The following EIF4G1 variants were observed in gnomAD, a reference collection of about 807,000 sequenced individuals.
EIF4G1 encodes the protein EIF4-gamma.
EIF4G1 carries 4 observed loss-of-function variants against 187.8 expected under a neutral mutation model. The ratio of observed to expected loss-of-function variants is 0.02; its 90% CI spans 0.01 to 0.05. The LOEUF (loss-of-function observed/expected upper bound fraction) is 0.05. EIF4G1 is among the 10% of genes least tolerant of loss of function. The pLI is 1.00. For synonymous variants in EIF4G1, 844 were observed against 781.4 expected, an observed-to-expected ratio of 1.08 and a Z score of -1.34; for missense variants, 1,647 against 2,081.1, an observed-to-expected ratio of 0.79 and a Z score of 4.06.
In EIF4G1 at chr3:184,325,649, A is replaced by T; in HGVS notation, c.3121+10A>T. ...CCAGGCCCTCCCATCAGTGAGTTCC[A>T]AGCTGGGATTGAGAAGGGAGCAGTG... is the stretch of plus-strand genomic sequence containing the variant. On this transcript the variant is annotated intron_variant, in intron 20 of 32. Coordinates refer to ENST00000346169, the MANE Select transcript of EIF4G1 (RefSeq NM_198241.3). The surrounding 1 kb of genome is among the most constrained non-coding windows in gnomAD (Gnocchi z 5.2). 6.2e-7 allele frequency: 1 copy of T among 1,614,112 alleles called. No homozygotes were observed. The highest frequency in any genetic ancestry group is 8.5e-7 in the Non-Finnish European group (1 of 1,180,020).
chr3:184,321,221 G>A (rs1723849541), intron 9 of EIF4G1, 61 bp from the exon 10 acceptor site: 9 of 1,603,904 alleles, frequency 5.6e-6, no homozygotes, highest in Non-Finnish European at 6.0e-6. Flanking sequence ...GGAGGATGGG[G>A]AGGAACAACA....
At position 184,323,173 on chromosome 3, in the gene EIF4G1, G is replaced by C; in HGVS notation, c.2020G>C (p.Gly674Arg). The C allele has an allele frequency of 6.2e-7, 1 of 1,614,212 alleles. No homozygotes were observed. The highest frequency in any genetic ancestry group is 1.1e-5 in the South Asian group (1 of 91,086). ...PDFTPSFANLGRTTLSTRGPP... is the reference protein window; with the variant it reads ...PDFTPSFANLRRTTLSTRGPP... ...CTTCACTCCATCCTTTGCCAACCTT[G>C]GCCGGACAACCCTTAGCACCCGTGG... The change falls in exon 14 of 33, where the codon GGC becomes CGC. Residue 674 changes from glycine (G) to arginine (R), a missense_variant. Gly to Arg is a moderately radical substitution (Grantham distance 125, BLOSUM62 -2). Coordinates refer to ENST00000346169, the MANE Select transcript of EIF4G1 (RefSeq NM_198241.3). This position sits in a 1 kb window ranked among gnomAD's most constrained non-coding sequence, Gnocchi z 6.9.
At position 184,317,232 on chromosome 3, in the gene EIF4G1, T is replaced by A; in HGVS notation, c.148-89T>A. 61 of 1,472,778 alleles carry A rather than the reference T, an allele frequency of 4.1e-5. 1 individual carries two copies. In the South Asian group the frequency reaches 6.9e-4, roughly 17 times the overall value. 91.2% of individuals were successfully genotyped at this position (1,472,778 alleles called of 1,614,324 possible). ...CATGTTCTGAAGCCCACAGTACTTCTTTCCAGGCTATAGAGACATTGTGGA... is the reference window on the plus strand; with the variant it reads ...CATGTTCTGAAGCCCACAGTACTTCATTCCAGGCTATAGAGACATTGTGGA... On this transcript the variant is annotated intron_variant, in intron 4 of 32. Transcript: ENST00000346169.
chr3:184,332,195 G>A, intron 32 of EIF4G1, 109 bp downstream of exon 32: 2 of 1,470,902 alleles, frequency 1.4e-6, no homozygotes, highest in South Asian at 1.2e-5. Flanking sequence ...GTAGTCATTA[G>A]AGAGCAAAAT....
chr3:184,321,490 C>T lies in EIF4G1; in HGVS notation c.906C>T (p.Pro302=), dbSNP rs1577205276. 3 of 1,614,182 alleles carry T rather than the reference C, an allele frequency of 1.9e-6. No homozygotes were observed. The highest frequency in any genetic ancestry group is 2.5e-6 in the Non-Finnish European group (3 of 1,180,044). ...TIQMSVEEST[P]ISRETGEPYR... ...AAATGTCTGTAGAAGAATCAACCCC[C>T]ATCTCCCGTGAAACTGGGGAGCCAT... Residue 302 remains proline, a synonymous_variant, in exon 10 of 33, where the codon CCC becomes CCT. Coordinates refer to ENST00000346169, the MANE Select transcript of EIF4G1 (RefSeq NM_198241.3).
Position 184,335,111 on chromosome 3 carries a change from C to T in EIF4G1, c.*203C>T, listed in dbSNP as rs886833852. On this transcript the variant is annotated 3_prime_UTR_variant, in exon 33 of 33. Coordinates refer to ENST00000346169, the MANE Select transcript of EIF4G1 (RefSeq NM_198241.3). ...CAGGATGCCGCCAGGTGTCCCTCTC[C>T]TCCCCCTGGGGCACAGAGATATATT... 5 of 639,176 alleles carry T rather than the reference C, an allele frequency of 7.8e-6. No individual in the cohort carries two copies. Among genetic ancestry groups the T allele is most frequent in the African/African-American group, 7.3e-5 (4 of 54,674 alleles). 39.6% of individuals were successfully genotyped at this position (639,176 alleles called of 1,614,324 possible).
At chr3:184,330,961 G>C (rs760241076) in intron 28 of EIF4G1, among the ~76,000 whole-genome samples, 2 of 151,930 alleles carry the variant, frequency 1.3e-5, no homozygotes, top group Admixed American at 1.3e-4. Context: ...GCTGGTCTCC[G>C]ACTCCTGACC....
chr3:184,319,467 TTGTGTGTG>T (rs756906987), intron 6 of EIF4G1, among the ~76,000 whole-genome samples: 1 of 11,280 alleles, frequency 8.9e-5, no homozygotes, highest in East Asian at 1.7e-3. Context: ...GTGTGTGTGT[TTGTGTGTG>T]TGTGTGTGTT....
At chr3:184,331,185 T>C in intron 28 of EIF4G1, 81 bp from the exon 29 acceptor site, 1 of 1,428,878 alleles carries the variant, frequency 7.0e-7, no homozygotes, top group Non-Finnish European at 9.9e-7. Flanking sequence ...CAGTAAATAT[T>C]TGTTGGATTA....
chr3:184,329,514 A>G (rs1241010021), intron 28 of EIF4G1, among the ~76,000 whole-genome samples: 1 of 152,066 alleles, frequency 6.6e-6, no homozygotes. Context: ...CTGTAATTCC[A>G]CCTACTCAGG....
In EIF4G1 at chr3:184,322,486, G is replaced by A. The variant is rs1377621393; in HGVS notation, c.1608+36G>A. The stretch of plus-strand genomic sequence containing the variant: ...AGAAAATGGGAGGGGAGAGGGCCAA[G>A]TTGAGGTATGGAGCAGTGGTCATTC... On this transcript the variant is annotated intron_variant, in intron 11 of 32. Transcript: ENST00000346169. 3 of 1,614,060 alleles carry A rather than the reference G, an allele frequency of 1.9e-6. No homozygotes were observed. The South Asian group carries it at 3.3e-5, about 18-fold the overall frequency.
rs200414242 is a variant in EIF4G1, at chr3:184,320,696, A to G, written c.604A>G (p.Thr202Ala). 1 of 1,614,090 alleles carries G rather than the reference A, an allele frequency of 6.2e-7. No individual in the cohort carries two copies. Among genetic ancestry groups the G allele is most frequent in the East Asian group, 2.2e-5 (1 of 44,874 alleles). ...ITEEIMSGAR[T>A]ASTPTPPQTG... ...AGAGGAGATCATGTCTGGGGCCCGC[A>G]CTGCCTCCACACCCACCCCTCCCCA... Residue 202 changes from threonine to alanine, a missense_variant, in exon 8 of 33, where the codon ACT (threonine) becomes GCT (alanine). Physicochemically the swap from Thr to Ala is moderately conservative, Grantham distance 58 (BLOSUM62 0). Coordinates refer to ENST00000346169, the MANE Select transcript of EIF4G1 (RefSeq NM_198241.3).
chr3:184,331,411 T>A (rs1271472211), intron 29 of EIF4G1, 47 bp downstream of exon 29: 1 of 1,614,054 alleles, frequency 6.2e-7, no homozygotes, highest in African/African-American at 1.3e-5. Flanking sequence ...GGCTGGCCAG[T>A]CTTCTTTCTT....
chr3:184,321,026 G>A (rs751090900), intron 9 of EIF4G1, 33 bp downstream of exon 9: 51 of 1,609,428 alleles, frequency 3.2e-5, no homozygotes, highest in Admixed American at 8.4e-5. Flanking sequence ...GCTTTTATGG[G>A]GAAAGGGAAT....
chr3:184,327,400 C>T lies in EIF4G1; in HGVS notation c.3613C>T (p.Arg1205Cys), dbSNP rs776741558. The T allele has an allele frequency of 1.5e-5, 25 of 1,613,524 alleles. No individual in the cohort carries two copies. Among genetic ancestry groups the T allele is most frequent in the Middle Eastern group, 1.7e-4 (1 of 6,054 alleles). ...ACGGCCCTCCCAGCCTGAGGGGCTG[C>T]GCAAGGCAGCTAGCCTCACGGAGGA... The part of the protein sequence containing the change: ...RERPSQPEGL[R>C]KAASLTEDRD... Residue 1205 changes from arginine (R) to cysteine (C), a missense_variant, in exon 24 of 33, where the codon CGC becomes TGC. Physicochemically the swap from Arg to Cys is radical, Grantham distance 180. Around this residue, in one of 11 missense-constraint regions of EIF4G1, gnomAD observed 543 missense variants for 638.0 expected, o/e 0.85. Coordinates refer to ENST00000346169, the MANE Select transcript of EIF4G1 (RefSeq NM_198241.3).
chr3:184,328,597 C>T, intron 26 of EIF4G1, 34 bp from the exon 27 acceptor site: 1 of 1,614,028 alleles, frequency 6.2e-7, no homozygotes. Context: ...GGGGACCTGG[C>T]CTAGAATGTC....
chr3:184,319,947 T>C lies in EIF4G1; in HGVS notation c.537+146T>C, dbSNP rs1368918144. The C allele has an allele frequency of 5.7e-6, 4 of 699,710 alleles. No individual in the cohort carries two copies. The African/African-American group carries it at 7.1e-5, about 12-fold the overall frequency. The allele number at this position is 699,710 out of a possible 1,614,324, so 43.3% of individuals were successfully genotyped here. A position where few individuals can be genotyped will look rare whatever the true frequency, so the allele number is the denominator to read the frequency against. ...GAATGGTGTCTGTGGAGGGCTCAGG[T>C]TCTTTGTAAGATGCTAAGATTTCAG... On this transcript the variant is annotated intron_variant, in intron 7 of 32. Transcript: ENST00000346169.
At position 184,327,567 on chromosome 3, in the gene EIF4G1, CTG is replaced by C. The variant is rs773845457; in HGVS notation, c.3662-15_3662-14del. On this transcript the variant is annotated splice_polypyrimidine_tract_variant and intron_variant, in intron 24 of 32. Coordinates refer to ENST00000346169, the MANE Select transcript of EIF4G1 (RefSeq NM_198241.3). ...GGGAAGACTGAAAAGTCCCTCTAAT[CTG>C]TGTTCTCTTCCCACAGTGAAGCGAG... 79 of 1,613,700 alleles carry C rather than the reference CTG, an allele frequency of 4.9e-5. No homozygotes were observed. The highest frequency in any genetic ancestry group is 4.0e-4 in the South Asian group (36 of 91,078).
intron 6 of EIF4G1, 123 bp from the exon 7 acceptor site, chr3:184,319,566 G>A (rs1723483041): frequency 1.4e-6 from 1 of 725,608 alleles, no homozygotes; most frequent in Admixed American, 2.0e-5. Flanking sequence ...GGGCAGGGCA[G>A]GGCAAGGCAA....
Sources: allele counts gnomAD v4.1 joint callset (sites outside exome capture counted in the v4.1 genomes callset), GRCh38; gene constraint gnomAD v4.1.1; regional missense constraint gnomAD v4.1.1; non-coding constraint Gnocchi (gnomAD v3.1); transcripts MANE v1.5; gene names NCBI Gene and HGNC (gene_info 2026-07-23, HGNC 2026-07-21).